Variants in SNTB2 observed in about 807,000 individuals in gnomAD.
SNTB2 encodes the protein beta-2-syntrophin.
In SNTB2, 34 loss-of-function variants were observed where a neutral mutation model predicts 46.2. The ratio of observed to expected loss-of-function variants is 0.74; its 90% CI spans 0.56 to 0.98. The LOEUF (loss-of-function observed/expected upper bound fraction) is 0.98. Among genes scored for constraint, SNTB2 ranks in the 50% least tolerant of loss-of-function variants. The probability of loss-of-function intolerance (pLI) is 0.00; values close to 1 mark genes in which losing one functional copy is unlikely to be tolerated. For missense variants in SNTB2, 603 were observed against 731.4 expected (o/e 0.82, Z 2.02); for synonymous variants, 290 against 312.6 (o/e 0.93, Z 0.76).
chr16:69,266,295 TG>T (rs1447401660), intron 3 of SNTB2, among the ~76,000 whole-genome samples: 5 of 151,968 alleles, frequency 3.3e-5, no homozygotes. Flanking sequence ...ACCTGGGAGA[TG>T]GAGGTTGCAG....
chr16:69,240,540 A>G (rs753689183), intron 1 of SNTB2: 1 of 152,238 alleles, frequency 6.6e-6, no homozygotes, highest in Non-Finnish European at 1.5e-5. Flanking sequence ...GTGACTGTCA[A>G]CATAACTCAT....
chr16:69,264,054 C>T (rs1964861800), intron 3 of SNTB2, among the ~76,000 whole-genome samples: 1 of 152,032 alleles, frequency 6.6e-6, no homozygotes, highest in African/African-American at 2.4e-5. Flanking sequence ...TCTCCCGCCT[C>T]CCAAAAGCTG....
rs186079978 is a variant in SNTB2, at chr16:69,287,443, G to A, written c.1345+3199G>A. Reference sequence around the variant, plus strand: ...AAGTTAGCCAGGAGTGGTGGCAGGCGCCTATAATCCCAGCTACTCAGGAGG... The same window carrying A: ...AAGTTAGCCAGGAGTGGTGGCAGGCACCTATAATCCCAGCTACTCAGGAGG... On this transcript the variant is annotated intron_variant, in intron 5 of 6. Coordinates refer to ENST00000336278, the MANE Select transcript of SNTB2 (RefSeq NM_006750.4). Among the ~76,000 whole-genome samples, 1,076 of 152,016 alleles carry A rather than the reference G, an allele frequency of 7.1e-3. 11 individuals carry two copies. Among genetic ancestry groups the A allele is most frequent in the Non-Finnish European group, 0.012 (811 of 67,980 alleles).
intron 2 of SNTB2, among the ~76,000 whole-genome samples, chr16:69,253,398 C>G (rs1271269203): frequency 6.6e-6 from 1 of 151,754 alleles, no homozygotes; most frequent in Non-Finnish European, 1.5e-5. Flanking sequence ...ACCTGTAATC[C>G]CAGCACTTTG....
intron 1 of SNTB2, chr16:69,235,607 G>A (rs1308945823): frequency 2.7e-6 from 3 of 1,106,752 alleles, no homozygotes; most frequent in Non-Finnish European, 3.4e-6. Flanking sequence ...CTAAAAGGAA[G>A]GGAAAGGAAG....
chr16:69,274,226 C>T (rs1964964665), intron 4 of SNTB2, among the ~76,000 whole-genome samples: 2 of 151,050 alleles, frequency 1.3e-5, no homozygotes, highest in Non-Finnish European at 1.5e-5. Flanking sequence ...GCAGAAGAAT[C>T]GATTGAACCC....
chr16:69,302,560 C>G lies in SNTB2; in HGVS notation c.*1636C>G, dbSNP rs773831576. The G allele has an allele frequency of 1.3e-5, 2 of 152,196 alleles. No homozygotes were observed. Among genetic ancestry groups the G allele is most frequent in the Non-Finnish European group, 2.9e-5 (2 of 68,070 alleles). 9.4% of individuals were successfully genotyped at this position (152,196 alleles called of 1,614,324 possible). A position where few individuals can be genotyped will look rare whatever the true frequency, so the allele number is the denominator to read the frequency against. On this transcript the variant is annotated 3_prime_UTR_variant, in exon 7 of 7. Transcript: ENST00000336278. ...AAAACACACCTGTGTGCAAAATGAG[C>G]TATTTGGTTTCAGTGCGGCCTGACC...
intron 1 of SNTB2, among the ~76,000 whole-genome samples, chr16:69,218,584 G>A (rs2152293239): frequency 6.6e-6 from 1 of 152,044 alleles, no homozygotes; most frequent in East Asian, 1.9e-4. Context: ...ACCACACCCG[G>A]CTAATGTTTT....
At chr16:69,281,075 A>G (rs9921756) in intron 4 of SNTB2, among the ~76,000 whole-genome samples, 22,658 of 152,128 alleles carry the variant, frequency 0.15, 1,874 homozygotes, top group Middle Eastern at 0.24. Flanking sequence ...GATTACAGGC[A>G]TGAGCCACCG....
At chr16:69,216,325 A>G (rs1252971791) in intron 1 of SNTB2, among the ~76,000 whole-genome samples, 1 of 152,182 alleles carries the variant, frequency 6.6e-6, no homozygotes, top group African/African-American at 2.4e-5. Flanking sequence ...ATTTTTCACA[A>G]GTTAATTCAC....
chr16:69,280,335 A>C (rs1202587141), intron 4 of SNTB2, among the ~76,000 whole-genome samples: 1 of 151,726 alleles, frequency 6.6e-6, no homozygotes, highest in Admixed American at 6.6e-5. Context: ...ATTCCACAAA[A>C]CCGCCATTGT....
At chr16:69,251,545 G>A (rs1204842568) in intron 2 of SNTB2, among the ~76,000 whole-genome samples, 1 of 150,654 alleles carries the variant, frequency 6.6e-6, no homozygotes, top group South Asian at 2.1e-4. Context: ...TTGGGAGGCC[G>A]AGGTGGGCAG....
chr16:69,269,826 C>T (rs548189246), intron 3 of SNTB2, among the ~76,000 whole-genome samples: 1 of 152,090 alleles, frequency 6.6e-6, no homozygotes, highest in East Asian at 1.9e-4. Flanking sequence ...CCTGTAATCC[C>T]AGCACTTTGG....
intron 1 of SNTB2, among the ~76,000 whole-genome samples, chr16:69,211,848 A>G (rs566462634): frequency 6.6e-6 from 1 of 152,212 alleles, no homozygotes; most frequent in Non-Finnish European, 1.5e-5. Flanking sequence ...TTCTTCAAAA[A>G]TAAACCCTTA....
intron 5 of SNTB2, among the ~76,000 whole-genome samples, chr16:69,292,608 A>ATTT (rs555750337): frequency 8.3e-5 from 10 of 119,768 alleles, no homozygotes; most frequent in South Asian, 2.7e-4. Context: ...TGCCCAGCTA[A>ATTT]TTTTTTTTTT....
chr16:69,260,718 T>G (rs1964826636), intron 3 of SNTB2, among the ~76,000 whole-genome samples: 1 of 152,202 alleles, frequency 6.6e-6, no homozygotes, highest in African/African-American at 2.4e-5. Flanking sequence ...AAACTGGTGG[T>G]TGGCTGGATC....
At chr16:69,218,532 C>T (rs1433477794) in intron 1 of SNTB2, among the ~76,000 whole-genome samples, 1 of 151,984 alleles carries the variant, frequency 6.6e-6, no homozygotes, top group African/African-American at 2.4e-5. Context: ...CGCCATTCTC[C>T]TGCCTCAGCC....
At chr16:69,296,729 A>AG (rs957089128) in intron 5 of SNTB2, among the ~76,000 whole-genome samples, 14 of 151,554 alleles carry the variant, frequency 9.2e-5, no homozygotes, top group African/African-American at 3.4e-4. Context: ...CAAAAAAAAA[A>AG]AAAAGAAAAA....
chr16:69,198,132 A>G (rs941086634), intron 1 of SNTB2, among the ~76,000 whole-genome samples: 1 of 149,228 alleles, frequency 6.7e-6, no homozygotes, highest in African/African-American at 2.5e-5. Flanking sequence ...GGGTAGGGGA[A>G]CAGAGCCTCG....
Sources: allele counts gnomAD v4.1 joint callset (sites outside exome capture counted in the v4.1 genomes callset), GRCh38; gene constraint gnomAD v4.1.1; transcripts MANE v1.5; gene names NCBI Gene and HGNC (gene_info 2026-07-23, HGNC 2026-07-21).